The following USP32 variants were observed in gnomAD, a reference collection of about 807,000 sequenced individuals.
USP32 encodes the protein ubiquitin carboxyl-terminal hydrolase 32.
USP32 carries 59 observed loss-of-function variants against 204.8 expected under a neutral mutation model. That is an observed-to-expected ratio of 0.29 (90% CI 0.23 to 0.36). The LOEUF (loss-of-function observed/expected upper bound fraction) is 0.36. Ranked by LOEUF, USP32 falls within the 10% of genes least tolerant of loss-of-function variation. The probability of loss-of-function intolerance (pLI) is 1.00; values close to 1 mark genes in which losing one functional copy is unlikely to be tolerated. For missense variants in USP32, 1,160 were observed against 1,946.4 expected, an observed-to-expected ratio of 0.60 and a Z score of 7.60; for synonymous variants, 517 against 678.4, an observed-to-expected ratio of 0.76 and a Z score of 3.70.
chr17:60,190,404 C>A (rs1269129752), intron 29 of USP32, among the ~76,000 whole-genome samples, 159 bp downstream of exon 29: 1 of 152,168 alleles, frequency 6.6e-6, no homozygotes, highest in Non-Finnish European at 1.5e-5. Flanking sequence ...AATGAAAAAG[C>A]TCAAGCAAAC....
At chr17:60,401,129 C>A (rs1467612663) in intron 1 of USP32, among the ~76,000 whole-genome samples, 1 of 151,762 alleles carries the variant, frequency 6.6e-6, no homozygotes, top group African/African-American at 2.4e-5. Flanking sequence ...GCACTCCAAC[C>A]TGGGTGACAG....
intron 1 of USP32, among the ~76,000 whole-genome samples, chr17:60,370,602 A>T (rs2089418205): frequency 6.6e-6 from 1 of 151,934 alleles, no homozygotes; most frequent in Admixed American, 6.6e-5. Context: ...CTCTACAAAA[A>T]AAAATACAAA....
intron 9 of USP32, among the ~76,000 whole-genome samples, chr17:60,256,280 A>C (rs1484056959): frequency 6.6e-6 from 1 of 152,186 alleles, no homozygotes; most frequent in Non-Finnish European, 1.5e-5. Context: ...TTTTCAAAAA[A>C]GTTCACATTC....
At chr17:60,212,919 A>G (rs915714710) in intron 18 of USP32, among the ~76,000 whole-genome samples, 1 of 151,988 alleles carries the variant, frequency 6.6e-6, no homozygotes, top group Non-Finnish European at 1.5e-5. Context: ...ACACCCAGCT[A>G]ATTTTTGTAT....
chr17:60,182,165 T>C (rs1333324215), intron 31 of USP32, among the ~76,000 whole-genome samples: 3 of 152,238 alleles, frequency 2.0e-5, no homozygotes, highest in Non-Finnish European at 2.9e-5. Flanking sequence ...TTGCTGTCCA[T>C]TGTTACCTCT....
chr17:60,399,284 A>G (rs1461162537), intron 1 of USP32, among the ~76,000 whole-genome samples: 1 of 152,200 alleles, frequency 6.6e-6, no homozygotes, highest in African/African-American at 2.4e-5. Flanking sequence ...AATAAGTATA[A>G]TAGTACATCA....
At chr17:60,252,097 T>C (rs1446720231) in intron 11 of USP32, among the ~76,000 whole-genome samples, 1 of 152,110 alleles carries the variant, frequency 6.6e-6, no homozygotes, top group Non-Finnish European at 1.5e-5. Flanking sequence ...TTTCCAACAA[T>C]AAACATATTT....
chr17:60,201,117 C>G (rs141356612), intron 26 of USP32, among the ~76,000 whole-genome samples: 3,205 of 152,220 alleles, frequency 0.021, 134 homozygotes, highest in African/African-American at 0.073. Flanking sequence ...CTCAGCCTCC[C>G]AAAATGCTGA....
intron 2 of USP32, among the ~76,000 whole-genome samples, chr17:60,335,320 C>T (rs2088490788): frequency 7.0e-6 from 1 of 142,288 alleles, no homozygotes; most frequent in Non-Finnish European, 1.5e-5. Flanking sequence ...ATGTGTCTGT[C>T]TTTCTTCATC....
chr17:60,316,714 G>A (rs1423836233), intron 2 of USP32, among the ~76,000 whole-genome samples: 2 of 151,986 alleles, frequency 1.3e-5, no homozygotes, highest in African/African-American at 2.4e-5. Flanking sequence ...GGTGGTGGGC[G>A]CCTGTAGTCC....
At chr17:60,323,716 GC>G (rs1433698350) in intron 2 of USP32, among the ~76,000 whole-genome samples, 1 of 152,188 alleles carries the variant, frequency 6.6e-6, no homozygotes, top group Non-Finnish European at 1.5e-5. Flanking sequence ...GCTGAATACT[GC>G]TCCTATAAGG....
intron 1 of USP32, among the ~76,000 whole-genome samples, chr17:60,413,223 G>A (rs2090032328): frequency 1.3e-5 from 2 of 152,206 alleles, no homozygotes; most frequent in African/African-American, 2.4e-5. Context: ...GCCAGTGGGG[G>A]AGGGAAAGAC....
chr17:60,191,995 A>AACTT (rs10650969), intron 28 of USP32, among the ~76,000 whole-genome samples: 32,039 of 151,792 alleles, frequency 0.21, 8,364 homozygotes, highest in African/African-American at 0.62. Flanking sequence ...AGAACTGGCA[A>AACTT]ACTTATATTT....
chr17:60,220,421 T>A (rs532466582), intron 15 of USP32, among the ~76,000 whole-genome samples: 3 of 152,312 alleles, frequency 2.0e-5, no homozygotes, highest in Admixed American at 2.0e-4. Context: ...ACGTTCTACT[T>A]GCGTAACCAG....
At chr17:60,279,687 CTT>C (rs1458766509) in intron 5 of USP32, among the ~76,000 whole-genome samples, 1 of 150,908 alleles carries the variant, frequency 6.6e-6, no homozygotes, top group African/African-American at 2.4e-5. Context: ...AAATACAAAA[CTT>C]AGCCAGGCCT....
intron 2 of USP32, among the ~76,000 whole-genome samples, chr17:60,318,258 TAGA>T (rs1344269437): frequency 1.3e-5 from 2 of 152,218 alleles, no homozygotes; most frequent in East Asian, 1.9e-4. Flanking sequence ...TATAAAGATA[TAGA>T]AGAAGATCAA....
At chr17:60,347,381 T>G (rs1477174126) in intron 1 of USP32, among the ~76,000 whole-genome samples, 1 of 148,942 alleles carries the variant, frequency 6.7e-6, no homozygotes, top group African/African-American at 2.5e-5. Context: ...TGAGACGGCA[T>G]CTTGCTCTGT....
intron 1 of USP32, among the ~76,000 whole-genome samples, chr17:60,353,919 C>G (rs1244430741): frequency 3.9e-5 from 6 of 152,188 alleles, no homozygotes; most frequent in African/African-American, 1.4e-4. Flanking sequence ...TTAGAGGTTA[C>G]CGTGTCTACA....
chr17:60,416,021 G>C (rs1054055203), intron 1 of USP32, among the ~76,000 whole-genome samples: 1 of 152,040 alleles, frequency 6.6e-6, no homozygotes, highest in African/African-American at 2.4e-5. Context: ...TGTATTTTTA[G>C]TAGAGACAGG....
Sources: allele counts gnomAD v4.1 joint callset (sites outside exome capture counted in the v4.1 genomes callset), GRCh38; gene constraint gnomAD v4.1.1; transcripts MANE v1.5; gene names NCBI Gene and HGNC (gene_info 2026-07-23, HGNC 2026-07-21).